The following MSRA variants were observed in gnomAD, a reference collection of about 807,000 sequenced individuals.
MSRA encodes mitochondrial peptide methionine sulfoxide reductase.
In MSRA, 54 loss-of-function variants were observed where a neutral mutation model predicts 31.3. The ratio of observed to expected loss-of-function variants is 1.73; its 90% CI spans 1.39 to 2.17. The LOEUF (loss-of-function observed/expected upper bound fraction) is 2.17, where lower values mean the gene tolerates loss of function less well. Among genes scored for constraint, MSRA ranks in the 30% most tolerant of loss-of-function variants. MSRA has a pLI of 0.00. For synonymous variants in MSRA, 169 were observed against 116.5 expected (o/e 1.45, Z -2.90); for missense variants, 507 against 300.9 (o/e 1.69, Z -5.07).
chr8:10,121,880 T>A (rs1172313580), intron 1 of MSRA, among the ~76,000 whole-genome samples: 1 of 151,862 alleles, frequency 6.6e-6, no homozygotes, highest in African/African-American at 2.4e-5. Flanking sequence ...AGGGTTTTGT[T>A]ATGTTGCCCA....
chr8:10,063,816 A>T (rs1222818214), intron 1 of MSRA, among the ~76,000 whole-genome samples: 1 of 152,170 alleles, frequency 6.6e-6, no homozygotes, highest in Non-Finnish European at 1.5e-5. Context: ...CCTATTATTG[A>T]TAAGCTGCCA....
At chr8:10,070,609 C>G (rs1797684668) in intron 1 of MSRA, among the ~76,000 whole-genome samples, 1 of 152,164 alleles carries the variant, frequency 6.6e-6, no homozygotes, top group Non-Finnish European at 1.5e-5. Context: ...AGTTCTGCCA[C>G]CAGAGATTCC....
At chr8:10,403,633 G>T (rs2129184929) in intron 5 of MSRA, among the ~76,000 whole-genome samples, 1 of 152,378 alleles carries the variant, frequency 6.6e-6, no homozygotes. Context: ...TGCCTCGTGT[G>T]TGTCTGTGGC....
intron 5 of MSRA, among the ~76,000 whole-genome samples, chr8:10,327,165 G>A (rs887074891): frequency 6.6e-6 from 1 of 152,130 alleles, no homozygotes; most frequent in African/African-American, 2.4e-5. Flanking sequence ...AAATGTTTCT[G>A]GAGTCATTGT....
chr8:10,346,330 C>G (rs951538770), intron 5 of MSRA, among the ~76,000 whole-genome samples: 1 of 152,170 alleles, frequency 6.6e-6, no homozygotes, highest in Non-Finnish European at 1.5e-5. Context: ...ATTTCATAGC[C>G]CTGCTCATGG....
intron 1 of MSRA, among the ~76,000 whole-genome samples, chr8:10,156,732 A>G (rs1176330188): frequency 6.6e-5 from 10 of 151,344 alleles, no homozygotes; most frequent in Non-Finnish European, 1.5e-4. Context: ...TCTTTTGACC[A>G]GTGGTGATGG....
chr8:10,232,869 C>T (rs540256714), intron 2 of MSRA, among the ~76,000 whole-genome samples: 1 of 152,196 alleles, frequency 6.6e-6, no homozygotes, highest in Non-Finnish European at 1.5e-5. Flanking sequence ...AAATTTGATT[C>T]AGTGACACAG....
At chr8:10,294,813 C>G (rs1236043442) in intron 3 of MSRA, among the ~76,000 whole-genome samples, 1 of 152,072 alleles carries the variant, frequency 6.6e-6, no homozygotes, top group African/African-American at 2.4e-5. Flanking sequence ...CTAACCTTCC[C>G]CACAGCAGCA....
At chr8:10,401,022 G>C (rs188264930) in intron 5 of MSRA, among the ~76,000 whole-genome samples, 1 of 151,858 alleles carries the variant, frequency 6.6e-6, no homozygotes, top group East Asian at 1.9e-4. Flanking sequence ...GACACCAAAA[G>C]CACAGACAAC....
intron 5 of MSRA, among the ~76,000 whole-genome samples, chr8:10,389,115 C>T (rs1358599290): frequency 1.9e-4 from 29 of 152,100 alleles, no homozygotes; most frequent in Admixed American, 1.8e-3. Context: ...TCGTAACCTC[C>T]GGCATGAATG....
chr8:10,139,386 C>G (rs1585012271), intron 1 of MSRA, among the ~76,000 whole-genome samples: 1 of 151,984 alleles, frequency 6.6e-6, no homozygotes, highest in Admixed American at 6.6e-5. Context: ...ATTTTTTATA[C>G]TAAATTCGGG....
At chr8:10,375,520 T>C (rs957416503) in intron 5 of MSRA, among the ~76,000 whole-genome samples, 3 of 152,232 alleles carry the variant, frequency 2.0e-5, no homozygotes, top group Non-Finnish European at 4.4e-5. Context: ...GGGGTAGGGC[T>C]GGCTGCACCT....
At chr8:10,201,179 G>A (rs1018344897) in intron 1 of MSRA, among the ~76,000 whole-genome samples, 13 of 152,060 alleles carry the variant, frequency 8.5e-5, no homozygotes, top group South Asian at 2.1e-4. Context: ...CAGCCCCACC[G>A]TGACCCTCCT....
intron 4 of MSRA, 37 bp from the exon 5 acceptor site, chr8:10,319,846 G>C: frequency 1.5e-6 from 2 of 1,342,586 alleles, no homozygotes; most frequent in South Asian, 3.5e-5. Context: ...CTGTCGCCTA[G>C]TGACCGGGTA....
In MSRA at chr8:10,278,056, T is replaced by C. The variant is rs1194097676; in HGVS notation, c.332-23478T>C. ...ATTTTGATATCTCCTGTAATGTCGATGCTCGCTGTCTTGTTAAACACTTTA... is the reference window on the plus strand; with the variant it reads ...ATTTTGATATCTCCTGTAATGTCGACGCTCGCTGTCTTGTTAAACACTTTA... On this transcript the variant is annotated intron_variant, in intron 3 of 5. Transcript: ENST00000317173. Among the ~76,000 whole-genome samples, 3 of 152,336 alleles carry C rather than the reference T, an allele frequency of 2.0e-5. 1 individual carries two copies. The highest frequency in any genetic ancestry group is 7.2e-5 in the African/African-American group (3 of 41,568).
chr8:10,357,169 A>G (rs113436600), intron 5 of MSRA, among the ~76,000 whole-genome samples: 6 of 152,326 alleles, frequency 3.9e-5, no homozygotes, highest in African/African-American at 1.4e-4. Context: ...TTAACAGCCA[A>G]TGATGCTTAA....
At chr8:10,291,540 A>G (rs750772914) in intron 3 of MSRA, among the ~76,000 whole-genome samples, 4 of 152,168 alleles carry the variant, frequency 2.6e-5, no homozygotes, top group Non-Finnish European at 5.9e-5. Context: ...ATTGTTGGAA[A>G]TCACATTTTC....
At chr8:10,419,309 A>ACCC in intron 5 of MSRA, among the ~76,000 whole-genome samples, 1 of 152,142 alleles carries the variant, frequency 6.6e-6, no homozygotes, top group Non-Finnish European at 1.5e-5. Context: ...TGGAATCCAG[A>ACCC]CCTGGATTCT....
At chr8:10,350,742 C>T (rs889615402) in intron 5 of MSRA, among the ~76,000 whole-genome samples, 7 of 152,216 alleles carry the variant, frequency 4.6e-5, no homozygotes, top group African/African-American at 1.2e-4. Context: ...TTGATGGTGG[C>T]AGCACGGAGC....
Sources: gnomAD v4.1 joint callset for allele counts (sites outside exome capture counted in the v4.1 genomes callset) on GRCh38, gnomAD v4.1.1 for gene constraint, MANE v1.5 for transcripts, NCBI Gene and HGNC (gene_info 2026-07-23, HGNC 2026-07-21) for gene names.